The following CTNNA3 variants were observed in gnomAD, a reference collection of about 807,000 sequenced individuals.
The protein encoded by CTNNA3 is catenin alpha-3.
In CTNNA3, 76 loss-of-function variants were observed where a neutral mutation model predicts 95.7. The ratio of observed to expected loss-of-function variants is 0.79; its 90% CI spans 0.66 to 0.96. The LOEUF (loss-of-function observed/expected upper bound fraction) is 0.96. Among genes scored for constraint, CTNNA3 ranks in the 40% least tolerant of loss-of-function variants. The pLI, the probability that CTNNA3 is intolerant of heterozygous loss-of-function variation, is 0.00. For synonymous variants in CTNNA3, 431 were observed against 374.4 expected (o/e 1.15, Z -1.74); for missense variants, 1,191 against 1,089.8 (o/e 1.09, Z -1.31).
intron 10 of CTNNA3, among the ~76,000 whole-genome samples, chr10:66,598,199 A>C (rs2132250113): frequency 6.6e-6 from 1 of 152,244 alleles, no homozygotes; most frequent in South Asian, 2.1e-4. Flanking sequence ...AGCATTTGAT[A>C]ATATTTGACA....
chr10:66,436,814 A>G lies in CTNNA3; in HGVS notation c.1532-57462T>C, dbSNP rs947634639. 3.3e-5 allele frequency among the ~76,000 whole-genome samples: 5 copies of G among 152,048 alleles called. No individual in the cohort carries two copies. In the East Asian group the frequency reaches 9.6e-4, roughly 29 times the overall value. Reference sequence around the variant, plus strand: ...TCTTTACAATTTGATATGTTTTTGCAGTGGCTGGTACCAGTTTTTCCTTGC... The same window carrying G: ...TCTTTACAATTTGATATGTTTTTGCGGTGGCTGGTACCAGTTTTTCCTTGC... On this transcript the variant is annotated intron_variant, in intron 11 of 17. Coordinates refer to ENST00000433211, the MANE Select transcript of CTNNA3 (RefSeq NM_013266.4).
intron 5 of CTNNA3, among the ~76,000 whole-genome samples, chr10:67,500,694 CT>C (rs1243441282): frequency 3.3e-5 from 5 of 152,164 alleles, no homozygotes; most frequent in Admixed American, 2.0e-4. Context: ...CTTTATTTGT[CT>C]TTTTTTATCT....
chr10:66,030,979 T>C (rs1015715090), intron 15 of CTNNA3, among the ~76,000 whole-genome samples: 5 of 152,020 alleles, frequency 3.3e-5, no homozygotes, highest in African/African-American at 1.2e-4. Context: ...GAAATGCAAA[T>C]TAAAACCACA....
rs559727152 is a variant in CTNNA3 at position 66,419,185 on chromosome 10, C to A, written c.1532-39833G>T. On this transcript the variant is annotated intron_variant, in intron 11 of 17. Transcript: ENST00000433211. ...ACAAATTCAGTTACACTACAGGATA[C>A]AAAATCAACATTTTTTTAAAGTAGT... Among the ~76,000 whole-genome samples, 4 of 152,028 alleles carry A rather than the reference C, an allele frequency of 2.6e-5. No homozygotes were observed. In the East Asian group the frequency reaches 7.7e-4, roughly 29 times the overall value.
At chr10:66,913,454 G>A (rs1015429249) in intron 7 of CTNNA3, among the ~76,000 whole-genome samples, 8 of 152,150 alleles carry the variant, frequency 5.3e-5, no homozygotes, top group Non-Finnish European at 1.2e-4. Context: ...TGCCATGCCT[G>A]AAATCTGTCA....
chr10:67,147,566 G>C (rs913142043), intron 7 of CTNNA3, among the ~76,000 whole-genome samples: 3 of 152,136 alleles, frequency 2.0e-5, no homozygotes, highest in African/African-American at 4.8e-5. Context: ...ACACCTTTAA[G>C]AATAAACTGA....
chr10:66,171,048 A>G (rs1349213492), intron 13 of CTNNA3, among the ~76,000 whole-genome samples: 1 of 151,892 alleles, frequency 6.6e-6, no homozygotes, highest in African/African-American at 2.4e-5. Flanking sequence ...CACGAGAATC[A>G]CTTGAACCTG....
At position 66,207,305 on chromosome 10, in the gene CTNNA3, T is replaced by C. The variant is rs532625951; in HGVS notation, c.1884+73165A>G. 3.9e-5 allele frequency among the ~76,000 whole-genome samples: 6 copies of C among 152,062 alleles called. No homozygotes were observed. The South Asian group carries it at 8.3e-4, about 21-fold the overall frequency. On this transcript the variant is annotated intron_variant, in intron 13 of 17. Coordinates refer to ENST00000433211, the MANE Select transcript of CTNNA3 (RefSeq NM_013266.4). ...ATTCTTAAAACTTATCTATCATATT[T>C]TATAAAACAAAACATGTGTCTAGGT... is the stretch of plus-strand genomic sequence containing the variant.
intron 13 of CTNNA3, among the ~76,000 whole-genome samples, chr10:66,157,492 T>TAGAC (rs1268917224): frequency 9.1e-4 from 1 of 1,102 alleles, no homozygotes; most frequent in African/African-American, 2.2e-3. Flanking sequence ...GATAGATATG[T>TAGAC]AGATAGATAG....
intron 13 of CTNNA3, among the ~76,000 whole-genome samples, chr10:66,178,317 T>C (rs551493114): frequency 2.6e-4 from 39 of 148,550 alleles, no homozygotes; most frequent in African/African-American, 8.6e-4. Context: ...TGTGTATATA[T>C]TACAGACACA....
At chr10:66,438,301 T>C (rs1465467548) in intron 11 of CTNNA3, among the ~76,000 whole-genome samples, 1 of 152,214 alleles carries the variant, frequency 6.6e-6, no homozygotes, top group African/African-American at 2.4e-5. Context: ...TGCTCACAGC[T>C]GCCCCTTCCC....
chr10:66,342,666 T>C (rs1312981664), intron 12 of CTNNA3, among the ~76,000 whole-genome samples: 1 of 152,082 alleles, frequency 6.6e-6, no homozygotes, highest in Non-Finnish European at 1.5e-5. Flanking sequence ...AGAAATTAGT[T>C]TTGTGCTATA....
intron 7 of CTNNA3, among the ~76,000 whole-genome samples, chr10:67,079,824 G>A (rs979561202): frequency 6.7e-6 from 1 of 149,658 alleles, no homozygotes; most frequent in African/African-American, 2.5e-5. Context: ...CTCCAGCCTG[G>A]GTGGCACAGC....
intron 9 of CTNNA3, among the ~76,000 whole-genome samples, chr10:66,663,262 T>C (rs969986865): frequency 2.0e-5 from 3 of 151,994 alleles, no homozygotes; most frequent in African/African-American, 7.2e-5. Context: ...TACAATGGCC[T>C]AAAAGCTGGC....
upstream of CTNNA3, among the ~76,000 whole-genome samples, chr10:67,700,268 G>A (rs1354164141): frequency 6.6e-6 from 1 of 152,212 alleles, no homozygotes; most frequent in Admixed American, 6.5e-5. Flanking sequence ...TTTGAAGAGA[G>A]CAGTGGTTCT....
At chr10:67,056,630 C>T (rs906123102) in intron 7 of CTNNA3, among the ~76,000 whole-genome samples, 4 of 152,156 alleles carry the variant, frequency 2.6e-5, no homozygotes, top group African/African-American at 9.6e-5. Context: ...AAGGGCATTC[C>T]AAATTAAGTG....
intron 5 of CTNNA3, among the ~76,000 whole-genome samples, chr10:67,230,979 C>T (rs531638164): frequency 6.6e-5 from 10 of 152,334 alleles, no homozygotes; most frequent in Non-Finnish European, 1.2e-4. Context: ...GCTTAAAAAA[C>T]GGCGCACCAG....
At chr10:66,747,247 A>G (rs72802606) in intron 9 of CTNNA3, among the ~76,000 whole-genome samples, 11,891 of 152,224 alleles carry the variant, frequency 0.078, 724 homozygotes, top group East Asian at 0.23. Context: ...CATATCTTGG[A>G]TAGAAAAGGC....
At chr10:66,682,436 T>C (rs987075744) in intron 9 of CTNNA3, among the ~76,000 whole-genome samples, 3 of 152,088 alleles carry the variant, frequency 2.0e-5, no homozygotes, top group African/African-American at 7.2e-5. Context: ...CTGACCTGGA[T>C]GGCTACAGAT....
Sources: gnomAD v4.1 joint callset for allele counts (sites outside exome capture counted in the v4.1 genomes callset) on GRCh38, gnomAD v4.1.1 for gene constraint, MANE v1.5 for transcripts, NCBI Gene and HGNC (gene_info 2026-07-23, HGNC 2026-07-21) for gene names.